MLXIP: variants seen among roughly 807,000 people sequenced by gnomAD.
The protein encoded by MLXIP is MLX interacting protein.
A neutral mutation model predicts 87.2 loss-of-function variants in MLXIP; 30 were observed. The ratio of observed to expected loss-of-function variants is 0.34; its 90% confidence interval spans 0.26 to 0.47. The LOEUF (loss-of-function observed/expected upper bound fraction) is 0.47, where lower values mean the gene tolerates loss of function less well. Among genes scored for constraint, MLXIP ranks in the 20% least tolerant of loss-of-function variants. The probability of loss-of-function intolerance (pLI) is 1.00; values close to 1 mark genes in which losing one functional copy is unlikely to be tolerated. For synonymous variants in MLXIP, 530 were observed against 514.0 expected, an observed-to-expected ratio of 1.03 and a Z score of -0.42; for missense variants, 1,002 against 1,240.1, an observed-to-expected ratio of 0.81 and a Z score of 2.88.
At chr12:122,095,171 A>T (rs1294509333) in intron 1 of MLXIP, among the ~76,000 whole-genome samples, 3 of 62,234 alleles carry the variant, frequency 4.8e-5, no homozygotes, top group Admixed American at 1.9e-4. Flanking sequence ...GTGTGTGGTG[A>T]GTGCGGTGTG....
intron 1 of MLXIP, among the ~76,000 whole-genome samples, chr12:122,116,088 A>G (rs993947833): frequency 6.9e-6 from 1 of 145,946 alleles, no homozygotes; most frequent in Non-Finnish European, 1.5e-5. Context: ...ACACACACAC[A>G]ACATTGACAT....
intron 1 of MLXIP, among the ~76,000 whole-genome samples, chr12:122,114,737 C>CTTTT (rs1278951793): frequency 1.7e-5 from 2 of 121,054 alleles, no homozygotes. Context: ...AAGGTGACTT[C>CTTTT]TTTTTTTTTT....
chr12:122,085,742 C>T (rs377674816), intron 1 of MLXIP, among the ~76,000 whole-genome samples: 3 of 152,016 alleles, frequency 2.0e-5, no homozygotes, highest in African/African-American at 4.8e-5. Context: ...GGGACATTGG[C>T]GTGGAGTGGG....
rs893451531 is a variant in MLXIP, at chr12:122,078,803, C to T, written c.-51C>T. The T allele has an allele frequency of 1.9e-6, 2 of 1,032,882 alleles. No individual in the cohort carries two copies. Among genetic ancestry groups the T allele is most frequent in the Non-Finnish European group, 2.3e-6 (2 of 862,300 alleles). 64.0% of individuals were successfully genotyped at this position (1,032,882 alleles called of 1,614,324 possible). On this transcript the variant is annotated 5_prime_UTR_variant, in exon 1 of 17. Transcript: ENST00000319080. ...GGCCGGCGCCCCTCTGCCTCGCGCG[C>T]TTGTCGCGTTGCCCCGGGCTCCGGG... is the stretch of plus-strand genomic sequence containing the variant.
Position 122,133,143 on chromosome 12 carries a change from T to C in MLXIP, c.1093-205T>C, listed in dbSNP as rs868409988. ...GTTGCCTTATCTGAGCTCTGAGTTA[T>C]TTAGTTTTTAATGGAAACAAGACCC... On this transcript the variant is annotated intron_variant, in intron 8 of 16. Coordinates refer to ENST00000319080, the MANE Select transcript of MLXIP (RefSeq NM_014938.6). The surrounding 1 kb of genome is among the most constrained non-coding windows in gnomAD (Gnocchi z 4.9). The C allele has an allele frequency of 2.1e-5, 11 of 516,852 alleles. No individual in the cohort carries two copies. The highest frequency in any genetic ancestry group is 9.7e-5 in the African/African-American group (5 of 51,528). 32.0% of individuals were successfully genotyped at this position (516,852 alleles called of 1,614,324 possible).
rs1952843590 is a variant in MLXIP at position 122,124,390 on chromosome 12, CCCCCCCGCCCTCAGCCGTCCCCCA to C, written c.414-2863_414-2840del. The stretch of plus-strand genomic sequence containing the variant: ...CCTCAGCCGTCCCCCACCTCAGCCG[CCCCCCCGCCCTCAGCCGTCCCCCA>C]CCTCAGCCGTCCCCCTCCTCAGCCG... On this transcript the variant is annotated intron_variant, in intron 1 of 16. Coordinates refer to ENST00000319080, the MANE Select transcript of MLXIP (RefSeq NM_014938.6). Among the ~76,000 whole-genome samples the C allele has an allele frequency of 1.7e-3, 5 of 2,868 alleles. 2 individuals carry two copies. The South Asian group carries it at 0.047, about 27-fold the overall frequency. The allele number at this position is 2,868 out of a possible 152,430, so 1.9% of individuals were successfully genotyped here. A position where few individuals can be genotyped will look rare whatever the true frequency, so the allele number is the denominator to read the frequency against.
intron 15 of MLXIP, among the ~76,000 whole-genome samples, chr12:122,139,687 C>T (rs1953162690): frequency 6.6e-6 from 1 of 152,120 alleles, no homozygotes; most frequent in Non-Finnish European, 1.5e-5. Flanking sequence ...TCTTTTTTCC[C>T]CCTGAGACAG....
chr12:122,111,076 CAAAAAAAAAA>C (rs56017387), intron 1 of MLXIP, among the ~76,000 whole-genome samples: 1 of 129,734 alleles, frequency 7.7e-6, no homozygotes, highest in African/African-American at 2.8e-5. Flanking sequence ...GACTCTGTCT[CAAAAAAAAAA>C]AAAAAAAAGT....
intron 1 of MLXIP, among the ~76,000 whole-genome samples, chr12:122,093,901 GGTGT>G (rs1212508565): frequency 2.1e-5 from 3 of 141,706 alleles, no homozygotes; most frequent in Admixed American, 7.0e-5. Flanking sequence ...ATGTGTGTGT[GGTGT>G]GTGTGTGTTT....
rs1281572725 is a variant in MLXIP at position 122,130,022 on chromosome 12, A to G, written c.820A>G (p.Thr274Ala). The change falls in exon 6 of 17, where the codon ACA becomes GCA. Residue 274 changes from threonine (T) to alanine (A), a missense_variant. Physicochemically the swap from Thr to Ala is moderately conservative, Grantham distance 58 (BLOSUM62 0). Coordinates refer to ENST00000319080, the MANE Select transcript of MLXIP (RefSeq NM_014938.6). Reference sequence around the variant, plus strand: ...CATGGAGGAGGATCCCCTGCTGGACACAGACATGCTCATGTCGGAATTCAG... The same window carrying G: ...CATGGAGGAGGATCCCCTGCTGGACGCAGACATGCTCATGTCGGAATTCAG... ...VPMEEDPLLD[T>A]DMLMSEFSDT... is the part of the protein sequence containing the mutation. The G allele has an allele frequency of 6.2e-7, 1 of 1,613,910 alleles. No individual in the cohort carries two copies. Among genetic ancestry groups the G allele is most frequent in the African/African-American group, 1.3e-5 (1 of 74,946 alleles).
At chr12:122,134,070 G>GACC (rs756928556) in intron 9 of MLXIP, 83 bp downstream of exon 9, 36 of 1,448,010 alleles carry the variant, frequency 2.5e-5, no homozygotes, top group African/African-American at 2.1e-4. Flanking sequence ...TCAAACTTGT[G>GACC]ACCACCACCA....
At chr12:122,110,919 T>C in intron 1 of MLXIP, among the ~76,000 whole-genome samples, 1 of 151,334 alleles carries the variant, frequency 6.6e-6, no homozygotes. Context: ...CTACTAAAAA[T>C]ACAAAAAATT....
intron 1 of MLXIP, among the ~76,000 whole-genome samples, chr12:122,082,845 G>A (rs555108459): frequency 1.3e-5 from 2 of 152,250 alleles, no homozygotes; most frequent in East Asian, 1.9e-4. Context: ...TTTTGAGATA[G>A]GATCTCGCTC....
chr12:122,130,506 G>A (rs776001088), intron 6 of MLXIP, among the ~76,000 whole-genome samples: 11 of 151,578 alleles, frequency 7.3e-5, no homozygotes, highest in South Asian at 2.1e-4. Context: ...GCTCACCTTG[G>A]TGGCATTCAG....
intron 3 of MLXIP, chr12:122,128,570 A>G (rs1181864526): frequency 6.3e-6 from 1 of 158,718 alleles, no homozygotes; most frequent in African/African-American, 2.4e-5. Context: ...GGACACACAC[A>G]CAGTGTTTGT....
At chr12:122,129,848 C>T (rs1952944342) in intron 5 of MLXIP, 93 bp from the exon 6 acceptor site, 6 of 1,494,370 alleles carry the variant, frequency 4.0e-6, no homozygotes, top group Non-Finnish European at 4.5e-6. Flanking sequence ...ACTGAGCACC[C>T]CTTTGACGAA....
chr12:122,144,132 C>G lies in MLXIP; in HGVS notation c.*2320C>G, dbSNP rs1019927783. On this transcript the variant is annotated 3_prime_UTR_variant, in exon 17 of 17. Coordinates refer to ENST00000319080, the MANE Select transcript of MLXIP (RefSeq NM_014938.6). ...CTAGATTTGACCTCTGTCCTGGGCT[C>G]CTGGGCCAGGTGCAGGAACATCTGA... is the stretch of plus-strand genomic sequence containing the variant. 6.5e-6 allele frequency: 1 copy of G among 152,698 alleles called. No homozygotes were observed. Among genetic ancestry groups the G allele is most frequent in the Non-Finnish European group, 1.5e-5 (1 of 68,072 alleles). 9.5% of individuals were successfully genotyped at this position (152,698 alleles called of 1,614,324 possible).
At chr12:122,134,019 T>C in intron 9 of MLXIP, 32 bp downstream of exon 9, 2 of 1,548,486 alleles carry the variant, frequency 1.3e-6, no homozygotes, top group South Asian at 1.2e-5. Context: ...AGTGCGGGGC[T>C]CCCCCCGACC....
intron 1 of MLXIP, among the ~76,000 whole-genome samples, chr12:122,109,723 A>G (rs1016162369): frequency 5.3e-5 from 8 of 152,236 alleles, no homozygotes; most frequent in African/African-American, 1.9e-4. Flanking sequence ...AAGGTTAATA[A>G]GTTGACTAAA....
Sources: allele counts gnomAD v4.1 joint callset (sites outside exome capture counted in the v4.1 genomes callset), GRCh38; gene constraint gnomAD v4.1.1; non-coding constraint Gnocchi (gnomAD v3.1); transcripts MANE v1.5; gene names NCBI Gene and HGNC (gene_info 2026-07-23, HGNC 2026-07-21).